Variants in C8orf34 observed in about 807,000 individuals in gnomAD.
C8orf34 encodes the protein chromosome 8 open reading frame 34.
Under a neutral mutation model 68.3 loss-of-function variants are expected in C8orf34, and 65 were observed. The observed-to-expected ratio is 0.95, with a 90% CI of 0.78 to 1.17. The LOEUF is 1.17. Among genes scored for constraint, C8orf34 ranks in the 50% most tolerant of loss-of-function variants. The pLI is 0.00. For missense variants in C8orf34, 664 were observed against 655.4 expected, an observed-to-expected ratio of 1.01 and a Z score of -0.14; for synonymous variants, 244 against 241.2, an observed-to-expected ratio of 1.01 and a Z score of -0.11.
At position 68,650,194 on chromosome 8, in the gene C8orf34, G is replaced by C. The variant is rs566627614; in HGVS notation, c.1241+9683G>C. Among the ~76,000 whole-genome samples the C allele has an allele frequency of 2.6e-5, 4 of 152,150 alleles. No individual in the cohort carries two copies. In the East Asian group the frequency reaches 5.8e-4, roughly 22 times the overall value. On this transcript the variant is annotated intron_variant, in intron 8 of 13. Transcript: ENST00000518698. The stretch of plus-strand genomic sequence containing the variant: ...TTTGAAGCAGCATCGTTTGTCTGAG[G>C]TGATACCCGAGGTTCGTTGTCCCAT...
chr8:68,367,725 A>T (rs1311382851), intron 1 of C8orf34, among the ~76,000 whole-genome samples: 1 of 138,224 alleles, frequency 7.2e-6, no homozygotes, highest in Non-Finnish European at 1.5e-5. Context: ...CAAGAAAGGG[A>T]ATACCACACT....
rs1807532908 is a variant in C8orf34 at position 68,370,929 on chromosome 8, C to A, written c.327+39590C>A. The stretch of plus-strand genomic sequence containing the variant: ...GTATAAGCTATCTCCTACAGGGTCA[C>A]ATTTTTTACATGTCTTCCAGGAGCA... On this transcript the variant is annotated intron_variant, in intron 1 of 13. Coordinates refer to ENST00000518698, the MANE Select transcript of C8orf34 (RefSeq NM_052958.4). 3.3e-5 allele frequency among the ~76,000 whole-genome samples: 5 copies of A among 152,258 alleles called. No individual in the cohort carries two copies. In the South Asian group the frequency reaches 1.0e-3, roughly 32 times the overall value.
At chr8:68,700,218 T>C (rs1820949341) in intron 8 of C8orf34, among the ~76,000 whole-genome samples, 1 of 151,898 alleles carries the variant, frequency 6.6e-6, no homozygotes, top group East Asian at 1.9e-4. Context: ...ATCTAGGTAG[T>C]GTTGGAAATT....
At chr8:68,392,087 A>C (rs190604344) in intron 1 of C8orf34, among the ~76,000 whole-genome samples, 132 of 152,236 alleles carry the variant, frequency 8.7e-4, no homozygotes, top group South Asian at 3.5e-3. Context: ...TTTTGAAATT[A>C]CTTTTCATTT....
intron 1 of C8orf34, chr8:68,438,178 C>T (rs1245493864): frequency 1.3e-5 from 2 of 152,026 alleles, no homozygotes; most frequent in African/African-American, 4.8e-5. Flanking sequence ...AGGCAGAGTT[C>T]TAGGCCCTAC....
chr8:68,470,476 T>A (rs1812334665), intron 4 of C8orf34, among the ~76,000 whole-genome samples: 1 of 152,116 alleles, frequency 6.6e-6, no homozygotes, highest in Admixed American at 6.6e-5. Flanking sequence ...GGGATTTGAC[T>A]GCATTTCAAT....
chr8:68,392,291 C>T (rs1294246288), intron 1 of C8orf34, among the ~76,000 whole-genome samples: 1 of 151,546 alleles, frequency 6.6e-6, no homozygotes, highest in Non-Finnish European at 1.5e-5. Flanking sequence ...ATCCAAATGC[C>T]CTTAATAAAA....
chr8:68,479,673 C>G (rs1191139297), intron 4 of C8orf34, among the ~76,000 whole-genome samples: 3 of 152,092 alleles, frequency 2.0e-5, no homozygotes, highest in African/African-American at 7.2e-5. Flanking sequence ...GATGAAGGGT[C>G]AGGAAGTCCA....
intron 5 of C8orf34, among the ~76,000 whole-genome samples, chr8:68,500,875 A>G (rs2380465): frequency 0.32 from 48,173 of 152,050 alleles, 9,118 homozygotes; most frequent in Non-Finnish European, 0.43. Context: ...ATACTTCTCG[A>G]TCTGAGCTGT....
At chr8:68,465,509 T>C (rs1215775921) in intron 3 of C8orf34, among the ~76,000 whole-genome samples, 1 of 152,060 alleles carries the variant, frequency 6.6e-6, no homozygotes, top group Non-Finnish European at 1.5e-5. Context: ...CACGTATGTT[T>C]ATTGCAGCAC....
At chr8:68,349,769 CTGATGGT>C (rs1275732659) in intron 1 of C8orf34, among the ~76,000 whole-genome samples, 5 of 151,276 alleles carry the variant, frequency 3.3e-5, no homozygotes, top group African/African-American at 1.2e-4. Context: ...GTAATAGTTT[CTGATGGT>C]TGTTTTTATT....
At chr8:68,680,072 T>G (rs948554100) in intron 8 of C8orf34, among the ~76,000 whole-genome samples, 1 of 151,964 alleles carries the variant, frequency 6.6e-6, no homozygotes, top group African/African-American at 2.4e-5. Flanking sequence ...AATGGACAAA[T>G]GAGATCACAT....
At chr8:68,552,545 TCTTA>T (rs1460552803) in intron 7 of C8orf34, among the ~76,000 whole-genome samples, 3 of 152,152 alleles carry the variant, frequency 2.0e-5, no homozygotes, top group Admixed American at 6.6e-5. Context: ...TATTTTGCAG[TCTTA>T]CTTAATGTTT....
At chr8:68,651,916 A>G (rs1819371801) in intron 8 of C8orf34, among the ~76,000 whole-genome samples, 1 of 152,182 alleles carries the variant, frequency 6.6e-6, no homozygotes, top group Non-Finnish European at 1.5e-5. Flanking sequence ...ATAAAATAGT[A>G]TATTGTCTTG....
intron 12 of C8orf34, among the ~76,000 whole-genome samples, chr8:68,800,859 C>T (rs1040161401): frequency 6.6e-6 from 1 of 152,142 alleles, no homozygotes; most frequent in African/African-American, 2.4e-5. Flanking sequence ...CTACGTTCTT[C>T]GGCTTTTCTT....
At chr8:68,545,906 C>A (rs542308452) in intron 7 of C8orf34, among the ~76,000 whole-genome samples, 7 of 152,002 alleles carry the variant, frequency 4.6e-5, no homozygotes, top group African/African-American at 1.4e-4. Context: ...ATAATAAACA[C>A]AGCATTAAAA....
At chr8:68,440,726 G>A (rs1810865162) in intron 2 of C8orf34, among the ~76,000 whole-genome samples, 2 of 152,034 alleles carry the variant, frequency 1.3e-5, no homozygotes, top group African/African-American at 2.4e-5. Context: ...GATCAGTTGA[G>A]CATCTGTGAA....
upstream of C8orf34, chr8:68,330,916 C>T (rs1207722409): frequency 3.0e-6 from 3 of 1,008,308 alleles, no homozygotes; most frequent in African/African-American, 5.2e-5. Context: ...CTGCTGCTGC[C>T]GCCCAGAGGA....
chr8:68,619,128 G>A (rs754875057), intron 7 of C8orf34, among the ~76,000 whole-genome samples: 1 of 152,038 alleles, frequency 6.6e-6, no homozygotes, highest in Non-Finnish European at 1.5e-5. Context: ...AGGAGTTTGA[G>A]ACCAGCCTGG....
Sources: allele counts gnomAD v4.1 joint callset (sites outside exome capture counted in the v4.1 genomes callset), GRCh38; gene constraint gnomAD v4.1.1; transcripts MANE v1.5; gene names NCBI Gene and HGNC (gene_info 2026-07-23, HGNC 2026-07-21).